BMF: variants seen among roughly 807,000 people sequenced by gnomAD.
The protein encoded by BMF is Bcl2 modifying factor.
In BMF, 10 loss-of-function variants were observed where a neutral mutation model predicts 22.0. That is an observed-to-expected ratio of 0.45 (90% CI 0.28 to 0.77). BMF has a LOEUF of 0.77. Ranked by LOEUF, BMF falls within the 30% of genes least tolerant of loss-of-function variation. The pLI is 0.13. For missense variants in BMF, 206 were observed against 226.8 expected (o/e 0.91, Z 0.59); for synonymous variants, 87 against 88.1 (o/e 0.99, Z 0.07).
At chr15:40,099,872 G>A (rs1490710864) in intron 4 of BMF, among the ~76,000 whole-genome samples, 1 of 150,264 alleles carries the variant, frequency 6.7e-6, no homozygotes, top group East Asian at 2.0e-4. Flanking sequence ...GATTTTAACA[G>A]ATCTGCCTAC....
intron 4 of BMF, among the ~76,000 whole-genome samples, chr15:40,103,171 T>C (rs2036514370): frequency 6.6e-6 from 1 of 152,256 alleles, no homozygotes; most frequent in Admixed American, 6.5e-5. Context: ...TGCCCAGTCA[T>C]GGTCAAGCTA....
Position 40,091,645 on chromosome 15 carries a change from A to T in BMF, c.*142T>A, listed in dbSNP as rs1384262204. ...TCCCGCTTGAGTATGTTGTATGTAC[A>T]CTCAGAGAGAAATTAAAAAAAATTA... On this transcript the variant is annotated 3_prime_UTR_variant, in exon 5 of 5. Transcript: ENST00000354670. 1.5e-6 allele frequency: 1 copy of T among 657,198 alleles called. No individual in the cohort carries two copies. Among genetic ancestry groups the T allele is most frequent in the African/African-American group, 1.8e-5 (1 of 54,642 alleles). 40.7% of individuals were successfully genotyped at this position (657,198 alleles called of 1,614,324 possible). A position where few individuals can be genotyped will look rare whatever the true frequency, so the allele number is the denominator to read the frequency against.
chr15:40,099,637 G>C (rs2036434659), intron 4 of BMF, among the ~76,000 whole-genome samples: 1 of 152,048 alleles, frequency 6.6e-6, no homozygotes. Context: ...AAATTAGCCA[G>C]GCATGGTGGT....
At chr15:40,091,996 C>T in intron 4 of BMF, 108 bp from the exon 5 acceptor site, 1 of 841,994 alleles carries the variant, frequency 1.2e-6, no homozygotes, top group Non-Finnish European at 1.9e-6. Flanking sequence ...ACGGCTGGCA[C>T]TTTAATCCTA....
chr15:40,104,188 C>T lies in BMF; in HGVS notation c.445G>A (p.Val149Met). The change falls in exon 4 of 5, where the codon GTG becomes ATG. Residue 149 changes from valine to methionine, a missense_variant. Coordinates refer to ENST00000354670, the MANE Select transcript of BMF (RefSeq NM_001003940.2). ...CIADQFHRLH[V>M]QQHQQNQNRV... ...TAAACCCCCGTGCCTACTTGCTGCA[C>T]ATGAAGCCGGTGGAACTGGTCTGCA... 1 of 1,614,186 alleles carries T rather than the reference C, an allele frequency of 6.2e-7. No homozygotes were observed. Among genetic ancestry groups the T allele is most frequent in the Non-Finnish European group, 8.5e-7 (1 of 1,180,012 alleles).
intron 3 of BMF, among the ~76,000 whole-genome samples, chr15:40,105,230 T>C (rs2036562026): frequency 6.6e-6 from 1 of 152,186 alleles, no homozygotes; most frequent in Non-Finnish European, 1.5e-5. Flanking sequence ...GGAGGGCATA[T>C]TTCTCATAAA....
Position 40,089,683 on chromosome 15 carries a change from A to C in BMF, c.*2104T>G, listed in dbSNP as rs986078789. 2 of 152,256 alleles carry C rather than the reference A, an allele frequency of 1.3e-5. No individual in the cohort carries two copies. Among genetic ancestry groups the C allele is most frequent in the African/African-American group, 4.8e-5 (2 of 41,466 alleles). 9.4% of individuals were successfully genotyped at this position (152,256 alleles called of 1,614,324 possible). On this transcript the variant is annotated 3_prime_UTR_variant, in exon 5 of 5. Transcript: ENST00000354670. ...GGTGGAGAGTCTGCCAAAAGGGGTG[A>C]ATAGTGGCTGCTGTAAATAATCCCG...
rs76937327 is a variant in BMF at position 40,098,308 on chromosome 15, C to T, written c.453+5872G>A. ...GTGCTGCACCATCCATGTCCCCAGA[C>T]CCTTGTTTTGCACCTCCACAGCCTG... is the stretch of plus-strand genomic sequence containing the variant. On this transcript the variant is annotated intron_variant, in intron 4 of 4. Coordinates refer to ENST00000354670, the MANE Select transcript of BMF (RefSeq NM_001003940.2). Among the ~76,000 whole-genome samples the T allele has an allele frequency of 1.3e-3, 194 of 152,262 alleles. 5 individuals carry two copies. The East Asian group carries it at 0.035, about 27-fold the overall frequency.
In BMF at chr15:40,091,818, T is replaced by C. The variant is rs1258788529; in HGVS notation, c.524A>G (p.Glu175Gly). Residue 175 changes from glutamate to glycine, a missense_variant, in exon 5 of 5, where the codon GAA becomes GGA. Glu to Gly is a moderately conservative substitution (Grantham distance 98). Coordinates refer to ENST00000354670, the MANE Select transcript of BMF (RefSeq NM_001003940.2). ...LFLHNLALNGEENRNGAGPR is the reference protein window; with the variant it reads ...LFLHNLALNGGENRNGAGPR Reference sequence around the variant, plus strand: ...AGGGCCTGCCCCGTTCCTGTTCTCTTCTCCATTCAAAGCAAGGTTGTGCAG... The same window carrying C: ...AGGGCCTGCCCCGTTCCTGTTCTCTCCTCCATTCAAAGCAAGGTTGTGCAG... The C allele has an allele frequency of 1.2e-6, 2 of 1,610,736 alleles. No homozygotes were observed. Among genetic ancestry groups the C allele is most frequent in the South Asian group, 2.2e-5 (2 of 90,316 alleles).
chr15:40,102,227 G>C (rs1250670046), intron 4 of BMF, among the ~76,000 whole-genome samples: 1 of 152,012 alleles, frequency 6.6e-6, no homozygotes, highest in Non-Finnish European at 1.5e-5. Flanking sequence ...TCAGGAGTTC[G>C]AGACCAGCCT....
chr15:40,091,509 A>T lies in BMF; in HGVS notation c.*278T>A. 2 of 344,682 alleles carry T rather than the reference A, an allele frequency of 5.8e-6. No individual in the cohort carries two copies. 21.4% of individuals were successfully genotyped at this position (344,682 alleles called of 1,614,324 possible). A position where few individuals can be genotyped will look rare whatever the true frequency, so the allele number is the denominator to read the frequency against. ...GGTAGATTCCTCAGTCGAAGAATCT[A>T]CTTGTCAGAGCCCTTGGGAATTCTC... On this transcript the variant is annotated 3_prime_UTR_variant, in exon 5 of 5. Coordinates refer to ENST00000354670, the MANE Select transcript of BMF (RefSeq NM_001003940.2).
chr15:40,107,532 A>C (rs918651717), intron 2 of BMF, among the ~76,000 whole-genome samples: 1 of 77,226 alleles, frequency 1.3e-5, no homozygotes, highest in African/African-American at 5.3e-5. Flanking sequence ...CGTGTTTCCC[A>C]AGTGTGTGTG....
intron 4 of BMF, among the ~76,000 whole-genome samples, chr15:40,098,520 G>A (rs7181491): frequency 0.044 from 6,676 of 152,224 alleles, 485 homozygotes; most frequent in African/African-American, 0.15. Flanking sequence ...ATAACCCCAG[G>A]TTCTGACACT....
chr15:40,101,134 T>C (rs1266299824), intron 4 of BMF, among the ~76,000 whole-genome samples: 1 of 152,158 alleles, frequency 6.6e-6, no homozygotes, highest in Non-Finnish European at 1.5e-5. Flanking sequence ...CACTAATTCC[T>C]CTGGACCAGG....
rs181705563 is a variant in BMF at position 40,106,464 on chromosome 15, C to T, written c.-5-373G>A. On this transcript the variant is annotated intron_variant, in intron 2 of 4. Coordinates refer to ENST00000354670, the MANE Select transcript of BMF (RefSeq NM_001003940.2). This position sits in a 1 kb window ranked among gnomAD's most constrained non-coding sequence, Gnocchi z 4.1. The stretch of plus-strand genomic sequence containing the variant: ...CTGGGAAAATATAAACAAGACTAGC[C>T]TCTGTAAGTTGCTGTCAAGGGTGCT... 5.4e-6 allele frequency: 1 copy of T among 186,464 alleles called. No individual in the cohort carries two copies. The highest frequency in any genetic ancestry group is 5.8e-5 in the Admixed American group (1 of 17,164). 11.6% of individuals were successfully genotyped at this position (186,464 alleles called of 1,614,324 possible).
In BMF at chr15:40,105,898, G is replaced by C. The variant is rs1316856638; in HGVS notation, c.189C>G (p.Thr63=). Residue 63 remains threonine (T), a synonymous_variant, in exon 3 of 5, where the codon ACC becomes ACG. Coordinates refer to ENST00000354670, the MANE Select transcript of BMF (RefSeq NM_001003940.2). ...TCTGGGTAGCTTTGTCTTCCTGGCTGGTGGGTCGAAGGCCAGGGCCACAGC... is the reference window on the plus strand; with the variant it reads ...TCTGGGTAGCTTTGTCTTCCTGGCTCGTGGGTCGAAGGCCAGGGCCACAGC... ...THCCGPGLRP[T]SQEDKATQTL... is the part of the protein sequence containing the mutation. The C allele has an allele frequency of 1.9e-6, 3 of 1,614,032 alleles. No homozygotes were observed. Among genetic ancestry groups the C allele is most frequent in the Non-Finnish European group, 2.5e-6 (3 of 1,180,028 alleles).
At position 40,088,753 on chromosome 15, in the gene BMF, G is replaced by A. The variant is rs554527286; in HGVS notation, c.*3034C>T. ...GCTTTGGACACAGACCTACTCCCCT[G>A]GGGGCTGAGGGAGGTCACTGGGAGG... On this transcript the variant is annotated 3_prime_UTR_variant, in exon 5 of 5. Transcript: ENST00000354670. 6.6e-6 allele frequency: 1 copy of A among 152,410 alleles called. No homozygotes were observed. Among genetic ancestry groups the A allele is most frequent in the East Asian group, 1.9e-4 (1 of 5,180 alleles). 9.4% of individuals were successfully genotyped at this position (152,410 alleles called of 1,614,324 possible). A position where few individuals can be genotyped will look rare whatever the true frequency, so the allele number is the denominator to read the frequency against.
intron 4 of BMF, among the ~76,000 whole-genome samples, chr15:40,098,033 G>A (rs1444180752): frequency 1.3e-5 from 2 of 152,174 alleles, no homozygotes; most frequent in Non-Finnish European, 2.9e-5. Context: ...CCAGAGGCCC[G>A]AGGAACGAGC....
intron 2 of BMF, 40 bp downstream of exon 2, chr15:40,108,219 A>AACACACACACACACACACACACACACAC (rs140876953): frequency 7.6e-5 from 11 of 145,140 alleles, no homozygotes; most frequent in African/African-American, 2.8e-4. Context: ...AGTGACTAGG[A>AACACACACACACACACACACACACACAC]ACACACACAC....
Sources: gnomAD v4.1 joint callset for allele counts (sites outside exome capture counted in the v4.1 genomes callset) on GRCh38, gnomAD v4.1.1 for gene constraint, Gnocchi (gnomAD v3.1) non-coding constraint, MANE v1.5 for transcripts, NCBI Gene and HGNC (gene_info 2026-07-23, HGNC 2026-07-21) for gene names.